Variants in HCK observed in about 807,000 individuals in gnomAD.
HCK encodes the protein HCK proto-oncogene, Src family tyrosine kinase.
In HCK, 40 loss-of-function variants were observed where a neutral mutation model predicts 70.4. The ratio of observed to expected loss-of-function variants is 0.57; its 90% CI spans 0.44 to 0.74. The LOEUF (loss-of-function observed/expected upper bound fraction) is 0.74, where lower values mean the gene tolerates loss of function less well. HCK is among the 30% of genes least tolerant of loss of function. The probability of loss-of-function intolerance (pLI) is 0.00; values close to 1 mark genes in which losing one functional copy is unlikely to be tolerated. For missense variants in HCK, 568 were observed against 697.2 expected (o/e 0.81, Z 2.09); for synonymous variants, 245 against 263.2 (o/e 0.93, Z 0.67).
chr20:32,055,867 T>C (rs2045263308), intron 1 of HCK, among the ~76,000 whole-genome samples: 1 of 152,184 alleles, frequency 6.6e-6, no homozygotes. Context: ...CCAATCTGCT[T>C]TTTGCCTCTA....
intron 11 of HCK, among the ~76,000 whole-genome samples, chr20:32,097,846 A>T (rs1216896328): frequency 6.6e-6 from 1 of 152,036 alleles, no homozygotes; most frequent in African/African-American, 2.4e-5. Flanking sequence ...GACCATGTTC[A>T]CCAACCATGA....
At chr20:32,094,265 G>A (rs552979233) in intron 11 of HCK, among the ~76,000 whole-genome samples, 14 of 152,134 alleles carry the variant, frequency 9.2e-5, no homozygotes, top group Non-Finnish European at 1.6e-4. Flanking sequence ...AATATATGTC[G>A]AAATTAAGGG....
chr20:32,066,331 T>TTTTTTTTTTTTTTTTTTTTTTTTGA (rs60044994), intron 1 of HCK, among the ~76,000 whole-genome samples: 1 of 81,910 alleles, frequency 1.2e-5, no homozygotes, highest in African/African-American at 4.3e-5. Context: ...TTTTTTTTTT[T>TTTTTTTTTTTTTTTTTTTTTTTTGA]GACAGAGTCT....
chr20:32,058,009 G>A (rs1017058619), intron 1 of HCK, among the ~76,000 whole-genome samples: 1 of 152,156 alleles, frequency 6.6e-6, no homozygotes, highest in Non-Finnish European at 1.5e-5. Context: ...CTCCCTTCGA[G>A]TCACCTCCCT....
intron 1 of HCK, among the ~76,000 whole-genome samples, chr20:32,056,097 C>T (rs1018169816): frequency 3.9e-5 from 6 of 152,224 alleles, no homozygotes; most frequent in African/African-American, 1.4e-4. Flanking sequence ...GTTGTTTCCA[C>T]ATTTTGACCA....
At chr20:32,066,969 T>C (rs2045468210) in intron 1 of HCK, among the ~76,000 whole-genome samples, 1 of 152,182 alleles carries the variant, frequency 6.6e-6, no homozygotes, top group African/African-American at 2.4e-5. Context: ...CCCCAATCTT[T>C]ATCTATTCAG....
At chr20:32,063,377 C>A (rs2045408575) in intron 1 of HCK, among the ~76,000 whole-genome samples, 1 of 151,888 alleles carries the variant, frequency 6.6e-6, no homozygotes, top group East Asian at 1.9e-4. Context: ...CTCAGCCTCC[C>A]AAGTAGCTGG....
chr20:32,077,170 G>T (rs2045638996), intron 5 of HCK, among the ~76,000 whole-genome samples: 1 of 152,192 alleles, frequency 6.6e-6, no homozygotes, highest in Non-Finnish European at 1.5e-5. Flanking sequence ...TCAAGAAACT[G>T]CTAACAGAGG....
chr20:32,062,232 G>A (rs2045390937), intron 1 of HCK, among the ~76,000 whole-genome samples: 1 of 152,108 alleles, frequency 6.6e-6, no homozygotes, highest in African/African-American at 2.4e-5. Flanking sequence ...GAGCCACCAT[G>A]CCCAGGATGA....
intron 1 of HCK, among the ~76,000 whole-genome samples, chr20:32,068,733 A>G (rs139063926): frequency 1.3e-5 from 2 of 152,214 alleles, no homozygotes; most frequent in Non-Finnish European, 2.9e-5. Context: ...AGCCTGAGCA[A>G]CATTGTGAGA....
chr20:32,079,173 G>C (rs1220614332), intron 5 of HCK, among the ~76,000 whole-genome samples: 1 of 152,174 alleles, frequency 6.6e-6, no homozygotes, highest in Non-Finnish European at 1.5e-5. Flanking sequence ...AATGTCCCAG[G>C]ATATAATCCT....
Position 32,074,642 on chromosome 20 carries a change from G to T in HCK, c.349G>T (p.Ala117Ser). ...CCTCAGATCCGGGGAGTGGTGGAAG[G>T]CTCGATCCCTGGCCACCCGGAAGGA... The change falls in exon 5 of 13, where the codon GCT (alanine) becomes TCT (serine). Residue 117 changes from alanine (A) to serine (S), a missense_variant. Around this residue, in one of 4 missense-constraint regions of HCK, gnomAD observed 318 missense variants for 336.0 expected, o/e 0.95. Coordinates refer to ENST00000375852, the MANE Select transcript of HCK (RefSeq NM_002110.5). 3.1e-6 allele frequency: 5 copies of T among 1,613,674 alleles called. No homozygotes were observed. Among genetic ancestry groups the T allele is most frequent in the Middle Eastern group, 1.7e-4 (1 of 6,060 alleles).
chr20:32,063,992 CTTTTTTTTTTTTTTTT>C (rs58620860), intron 1 of HCK, among the ~76,000 whole-genome samples: 1 of 54,210 alleles, frequency 1.8e-5, no homozygotes, highest in Admixed American at 3.2e-4. Context: ...ATCTCTACTT[CTTTTTTTTTTTTTTTT>C]TTTTTTTTTT....
chr20:32,086,861 G>C (rs183465478), intron 9 of HCK, 54 bp downstream of exon 9: 66 of 1,466,130 alleles, frequency 4.5e-5, no homozygotes, highest in Middle Eastern at 2.1e-4. Flanking sequence ...GGTCAATTGC[G>C]GGCCCAAGGG....
intron 1 of HCK, among the ~76,000 whole-genome samples, chr20:32,070,911 AGAGGAGGGGGAAGGAG>A (rs1204326882): frequency 1.5e-5 from 2 of 134,720 alleles, no homozygotes; most frequent in African/African-American, 5.4e-5. Flanking sequence ...GAGGGAGGAC[AGAGGAGGGGGAAGGAG>A]GAGGAGGGGA....
chr20:32,086,525 G>A (rs2045788884), intron 8 of HCK, 103 bp from the exon 9 acceptor site: 2 of 943,164 alleles, frequency 2.1e-6, no homozygotes, highest in Non-Finnish European at 3.1e-6. Context: ...GAGATGAGCA[G>A]GAAAGACTTT....
Position 32,093,970 on chromosome 20 carries a change from T to C in HCK, c.1200T>C (p.Phe400=). The change falls in exon 11 of 13, where the codon TTT becomes TTC. Residue 400 remains phenylalanine, a synonymous_variant. Transcript: ENST00000375852. Reference sequence around the variant, plus strand: ...CCCTGGTGTGTAAGATTGCTGACTTTGGCCTGGCCCGGGTCATTGAGGACA... The same window carrying C: ...CCCTGGTGTGTAAGATTGCTGACTTCGGCCTGGCCCGGGTCATTGAGGACA... 3 of 1,613,706 alleles carry C rather than the reference T, an allele frequency of 1.9e-6. No homozygotes were observed. Among genetic ancestry groups the C allele is most frequent in the Non-Finnish European group, 2.5e-6 (3 of 1,179,968 alleles).
At chr20:32,076,156 C>G (rs1392638933) in intron 5 of HCK, among the ~76,000 whole-genome samples, 1 of 152,064 alleles carries the variant, frequency 6.6e-6, no homozygotes. Flanking sequence ...AACCCCATCT[C>G]TACTAAAAAT....
chr20:32,061,936 CTTT>C (rs557203114), intron 1 of HCK, among the ~76,000 whole-genome samples: 2 of 122,046 alleles, frequency 1.6e-5, no homozygotes, highest in Admixed American at 1.7e-4. Context: ...TCTGACTTAC[CTTT>C]TTTTTTTTTT....
Sources: gnomAD v4.1 joint callset for allele counts (sites outside exome capture counted in the v4.1 genomes callset) on GRCh38, gnomAD v4.1.1 for gene constraint, gnomAD v4.1.1 regional missense constraint, MANE v1.5 for transcripts, NCBI Gene and HGNC (gene_info 2026-07-23, HGNC 2026-07-21) for gene names.